SERGEF: variants seen among roughly 807,000 people sequenced by gnomAD.
SERGEF encodes the protein secretion-regulating guanine nucleotide exchange factor.
Under a neutral mutation model 50.0 loss-of-function variants are expected in SERGEF, and 51 were observed. The observed-to-expected ratio is 1.02, with a 90% CI of 0.81 to 1.29. The LOEUF is 1.29. SERGEF is among the 50% of genes most tolerant of loss of function. The probability of loss-of-function intolerance (pLI) is 0.00; values close to 1 mark genes in which losing one functional copy is unlikely to be tolerated. For synonymous variants in SERGEF, 205 were observed against 212.4 expected (o/e 0.97, Z 0.30); for missense variants, 521 against 557.0 (o/e 0.94, Z 0.65).
At chr11:17,931,414 ATAATAC>A (rs1423646750) in intron 9 of SERGEF, among the ~76,000 whole-genome samples, 1 of 152,166 alleles carries the variant, frequency 6.6e-6, no homozygotes, top group Non-Finnish European at 1.5e-5. Context: ...AACACTGCAA[ATAATAC>A]TCAAATGTCC....
At chr11:17,954,321 G>A (rs769885509) in intron 9 of SERGEF, among the ~76,000 whole-genome samples, 17 of 152,128 alleles carry the variant, frequency 1.1e-4, no homozygotes, top group Non-Finnish European at 2.4e-4. Context: ...AAAGGAGGAA[G>A]GTCATTCAGG....
intron 9 of SERGEF, among the ~76,000 whole-genome samples, chr11:17,940,484 C>G (rs1218407572): frequency 2.6e-5 from 4 of 152,238 alleles, no homozygotes; most frequent in Admixed American, 2.6e-4. Flanking sequence ...ATAAACAAGA[C>G]AGTGTACATG....
chr11:18,000,492 A>C lies in SERGEF; in HGVS notation c.508+5T>G. 1 of 1,556,510 alleles carries C rather than the reference A, an allele frequency of 6.4e-7. No individual in the cohort carries two copies. The highest frequency in any genetic ancestry group is 8.7e-7 in the Non-Finnish European group (1 of 1,150,870). ...AAAATAAAAAAATAAAGATAAGATG[A>C]TCACCTGTAGCAGCTACTGCATGCC... is the stretch of plus-strand genomic sequence containing the variant. On this transcript the variant is annotated splice_donor_5th_base_variant and intron_variant, in intron 5 of 10. Coordinates refer to ENST00000265965, the MANE Select transcript of SERGEF (RefSeq NM_012139.4).
At chr11:17,928,134 T>C (rs187433196) in intron 9 of SERGEF, among the ~76,000 whole-genome samples, 8 of 152,344 alleles carry the variant, frequency 5.3e-5, no homozygotes, top group Admixed American at 5.2e-4. Flanking sequence ...CAAAGCTCCT[T>C]CTGTACTGGC....
intron 8 of SERGEF, among the ~76,000 whole-genome samples, chr11:17,978,320 C>T (rs1853422316): frequency 6.6e-6 from 1 of 152,160 alleles, no homozygotes; most frequent in African/African-American, 2.4e-5. Context: ...TGTGCTAACT[C>T]ATGTCTTCAG....
chr11:17,792,189 G>C (rs1296961763), intron 10 of SERGEF, among the ~76,000 whole-genome samples: 1 of 152,210 alleles, frequency 6.6e-6, no homozygotes, highest in Non-Finnish European at 1.5e-5. Flanking sequence ...CAAAAGCTTG[G>C]GTTTAGGGAA....
chr11:17,807,709 G>C (rs1263002920), intron 10 of SERGEF, among the ~76,000 whole-genome samples: 1 of 152,216 alleles, frequency 6.6e-6, no homozygotes, highest in Non-Finnish European at 1.5e-5. Context: ...TACAGGCAAT[G>C]AGTGTCAGCC....
In SERGEF at chr11:17,950,154, G is replaced by T. The variant is rs139866817; in HGVS notation, c.1011+9316C>A. Reference sequence around the variant, plus strand: ...GGATAGGAAGCCGTCAGAAAGTAAGGGCACACATTCATCCCTATAACAATC... The same window carrying T: ...GGATAGGAAGCCGTCAGAAAGTAAGTGCACACATTCATCCCTATAACAATC... On this transcript the variant is annotated intron_variant, in intron 9 of 10. Coordinates refer to ENST00000265965, the MANE Select transcript of SERGEF (RefSeq NM_012139.4). Among the ~76,000 whole-genome samples the T allele has an allele frequency of 5.5e-3, 844 of 152,204 alleles. 5 individuals carry two copies. Among genetic ancestry groups the T allele is most frequent in the Middle Eastern group, 0.01 (3 of 294 alleles).
At chr11:17,957,456 T>C (rs1852898843) in intron 9 of SERGEF, among the ~76,000 whole-genome samples, 1 of 152,144 alleles carries the variant, frequency 6.6e-6, no homozygotes, top group South Asian at 2.1e-4. Context: ...TCCACTACTA[T>C]ACTACCTGAC....
At chr11:17,920,635 T>C (rs1852136906) in intron 9 of SERGEF, among the ~76,000 whole-genome samples, 1 of 152,236 alleles carries the variant, frequency 6.6e-6, no homozygotes, top group African/African-American at 2.4e-5. Flanking sequence ...ACTCTCACTC[T>C]AGCAGGCAAA....
At chr11:17,800,040 C>CTT (rs1046955305) in intron 10 of SERGEF, among the ~76,000 whole-genome samples, 1 of 151,480 alleles carries the variant, frequency 6.6e-6, no homozygotes. Context: ...TCTTATTTAT[C>CTT]TTTTTTTTTC....
At chr11:18,005,484 A>T (rs1475342944) in intron 3 of SERGEF, among the ~76,000 whole-genome samples, 2 of 152,202 alleles carry the variant, frequency 1.3e-5, no homozygotes, top group Non-Finnish European at 2.9e-5. Context: ...CACAGCACAA[A>T]GATAGCTAGG....
intron 3 of SERGEF, among the ~76,000 whole-genome samples, chr11:18,005,902 C>T (rs531072916): frequency 9.2e-5 from 14 of 152,230 alleles, no homozygotes; most frequent in Non-Finnish European, 1.6e-4. Flanking sequence ...CCACTATTGC[C>T]TCATATTCTC....
intron 10 of SERGEF, among the ~76,000 whole-genome samples, chr11:17,874,693 T>C (rs1018080279): frequency 6.6e-6 from 1 of 152,220 alleles, no homozygotes; most frequent in Non-Finnish European, 1.5e-5. Context: ...GGACAATGAA[T>C]AGCAGAATCC....
rs1034990316 is a variant in SERGEF at position 17,884,814 on chromosome 11, G to A, written c.1012-6570C>T. 1.3e-5 allele frequency among the ~76,000 whole-genome samples: 2 copies of A among 152,200 alleles called. No homozygotes were observed. Among genetic ancestry groups the A allele is most frequent in the Non-Finnish European group, 2.9e-5 (2 of 68,034 alleles). On this transcript the variant is annotated intron_variant, in intron 9 of 10. Coordinates refer to ENST00000265965, the MANE Select transcript of SERGEF (RefSeq NM_012139.4). The surrounding 1 kb of genome is among the most constrained non-coding windows in gnomAD (Gnocchi z 4.6). ...TTGAACTAGGTTCTGCTATCTTCCA[G>A]AGAAGTTGGGGTGAGAAGAAGAGAG...
intron 10 of SERGEF, among the ~76,000 whole-genome samples, chr11:17,827,600 GAA>G (rs1411467163): frequency 2.0e-5 from 3 of 152,164 alleles, no homozygotes; most frequent in Non-Finnish European, 4.4e-5. Flanking sequence ...GGTGCCCTCA[GAA>G]ATCCCTCGGC....
At chr11:17,997,574 C>T (rs1267357328) in intron 5 of SERGEF, among the ~76,000 whole-genome samples, 3 of 152,218 alleles carry the variant, frequency 2.0e-5, no homozygotes, top group Non-Finnish European at 2.9e-5. Context: ...GATATTTGTA[C>T]ACCCATGTTC....
At chr11:17,873,439 T>A (rs1162398735) in intron 10 of SERGEF, among the ~76,000 whole-genome samples, 3 of 152,180 alleles carry the variant, frequency 2.0e-5, no homozygotes, top group Non-Finnish European at 2.9e-5. Context: ...TTTGGAGATA[T>A]CACCACTCAG....
intron 5 of SERGEF, among the ~76,000 whole-genome samples, chr11:17,998,428 CATACATACATACATATATATATAT>C (rs1367090125): frequency 9.9e-5 from 1 of 10,074 alleles, no homozygotes; most frequent in African/African-American, 4.0e-4. Context: ...AAAATACATA[CATACATACATACATATATATATAT>C]ATATATATAT....
Sources: gnomAD v4.1 joint callset for allele counts (sites outside exome capture counted in the v4.1 genomes callset) on GRCh38, gnomAD v4.1.1 for gene constraint, Gnocchi (gnomAD v3.1) non-coding constraint, MANE v1.5 for transcripts, NCBI Gene and HGNC (gene_info 2026-07-23, HGNC 2026-07-21) for gene names.